Variants in MAVS observed in about 807,000 individuals in gnomAD.
MAVS encodes the protein mitochondrial antiviral-signaling protein.
In MAVS, 20 loss-of-function variants were observed where a neutral mutation model predicts 30.2. That is an observed-to-expected ratio of 0.66 (90% CI 0.47 to 0.96). MAVS has a LOEUF of 0.96. Among genes scored for constraint, MAVS ranks in the 40% least tolerant of loss-of-function variants. MAVS has a pLI of 0.00. For missense variants in MAVS, 624 were observed against 701.1 expected (o/e 0.89, Z 1.24); for synonymous variants, 278 against 293.9 (o/e 0.95, Z 0.55).
At chr20:3,861,727 C>T (rs1282690283) in intron 4 of MAVS, among the ~76,000 whole-genome samples, 5 of 151,344 alleles carry the variant, frequency 3.3e-5, no homozygotes, top group Admixed American at 6.6e-5. Flanking sequence ...CAGCAACCAG[C>T]TGGGAGACCA....
chr20:3,855,312 C>T (rs1472851899), intron 2 of MAVS, among the ~76,000 whole-genome samples: 1 of 152,212 alleles, frequency 6.6e-6, no homozygotes, highest in Non-Finnish European at 1.5e-5. Flanking sequence ...GATTTCCTGG[C>T]TCTGGTCCAC....
Position 3,874,302 on chromosome 20 carries a change from G to A in MAVS, c.*8155G>A, listed in dbSNP as rs1184926066. 7.5e-6 allele frequency: 3 copies of A among 398,218 alleles called. No homozygotes were observed. The highest frequency in any genetic ancestry group is 6.2e-5 in the African/African-American group (3 of 48,610). The allele number at this position is 398,218 out of a possible 1,614,324, so 24.7% of individuals were successfully genotyped here. A position where few individuals can be genotyped will look rare whatever the true frequency, so the allele number is the denominator to read the frequency against. ...GGATACTGGGGAGGGGCATCCTGGA[G>A]TGCTGGTCTACCTCATCTGGGTGTT... On this transcript the variant is annotated 3_prime_UTR_variant, in exon 7 of 7. Coordinates refer to ENST00000428216, the MANE Select transcript of MAVS (RefSeq NM_020746.5).
rs528550110 is a variant in MAVS at position 3,848,246 on chromosome 20, G to A, written c.-68+1343G>A. Among the ~76,000 whole-genome samples, 867 of 152,132 alleles carry A rather than the reference G, an allele frequency of 5.7e-3. 2 individuals carry two copies. Among genetic ancestry groups the A allele is most frequent in the Non-Finnish European group, 0.01 (691 of 67,974 alleles). On this transcript the variant is annotated intron_variant, in intron 1 of 6. Coordinates refer to ENST00000428216, the MANE Select transcript of MAVS (RefSeq NM_020746.5). ...CCTGAGTAGCTGGGACTACAGGTGT[G>A]TGCCACCATGCCTGGCTAATTTTTG...
chr20:3,857,035 GAAAA>G (rs753537485), intron 2 of MAVS, among the ~76,000 whole-genome samples: 2 of 84,458 alleles, frequency 2.4e-5, no homozygotes, highest in African/African-American at 3.8e-5. Flanking sequence ...GACTCCGTCT[GAAAA>G]AAAAAAAAAA....
At chr20:3,856,712 T>C (rs555133053) in intron 2 of MAVS, among the ~76,000 whole-genome samples, 1 of 152,214 alleles carries the variant, frequency 6.6e-6, no homozygotes, top group African/African-American at 2.4e-5. Context: ...TCTGGTTGCT[T>C]GTTTTTATGT....
rs2089953348 is a variant in MAVS at position 3,871,272 on chromosome 20, T to C, written c.*5125T>C. The C allele has an allele frequency of 6.5e-6, 1 of 153,902 alleles. No homozygotes were observed. Among genetic ancestry groups the C allele is most frequent in the Non-Finnish European group, 1.5e-5 (1 of 68,072 alleles). 9.5% of individuals were successfully genotyped at this position (153,902 alleles called of 1,614,324 possible). Reference sequence around the variant, plus strand: ...CTGGAGGATTTTGTGCCTAAGGCCCTCTCTTTGCTCCCAGACAGCATGAAG... The same window carrying C: ...CTGGAGGATTTTGTGCCTAAGGCCCCCTCTTTGCTCCCAGACAGCATGAAG... On this transcript the variant is annotated 3_prime_UTR_variant, in exon 7 of 7. Transcript: ENST00000428216.
At position 3,853,101 on chromosome 20, in the gene MAVS, C is replaced by T. The variant is rs188121348; in HGVS notation, c.-67-1457C>T. Among the ~76,000 whole-genome samples, 1,322 of 149,412 alleles carry T rather than the reference C, an allele frequency of 8.8e-3. 10 individuals carry two copies. The highest frequency in any genetic ancestry group is 0.013 in the Non-Finnish European group (887 of 67,260). On this transcript the variant is annotated intron_variant, in intron 1 of 6. Transcript: ENST00000428216. ...TGATCCATCCGCCTCGGCCTCCCAA[C>T]GTGCTGGGGTTACAGGCGTGAGCCA... is the stretch of plus-strand genomic sequence containing the variant.
Position 3,866,548 on chromosome 20 carries a change from G to A in MAVS, c.*401G>A. 3.0e-6 allele frequency: 1 copy of A among 334,962 alleles called. No homozygotes were observed. The highest frequency in any genetic ancestry group is 2.7e-5 in the South Asian group (1 of 37,160). 20.7% of individuals were successfully genotyped at this position (334,962 alleles called of 1,614,324 possible). A position where few individuals can be genotyped will look rare whatever the true frequency, so the allele number is the denominator to read the frequency against. ...TGCCTCTCCTGTTGCATTGGTCCCT[G>A]AAGGCCTCAGGGCAGGTATGTGGTG... is the stretch of plus-strand genomic sequence containing the variant. On this transcript the variant is annotated 3_prime_UTR_variant, in exon 7 of 7. Coordinates refer to ENST00000428216, the MANE Select transcript of MAVS (RefSeq NM_020746.5).
chr20:3,855,325 G>C (rs2089800809), intron 2 of MAVS, among the ~76,000 whole-genome samples: 1 of 152,072 alleles, frequency 6.6e-6, no homozygotes, highest in Admixed American at 6.6e-5. Flanking sequence ...TGGTCCACTT[G>C]CCCACTTTTT....
chr20:3,857,133 G>C (rs2089818877), intron 2 of MAVS, among the ~76,000 whole-genome samples: 2 of 151,648 alleles, frequency 1.3e-5, no homozygotes, highest in Admixed American at 6.6e-5. Context: ...GTTATTGTCG[G>C]CCCCCTCTCT....
chr20:3,851,989 G>GTTTTTTTTTTTTTTT (rs1568531923), intron 1 of MAVS, among the ~76,000 whole-genome samples: 1 of 97,514 alleles, frequency 1.0e-5, no homozygotes, highest in African/African-American at 8.6e-5. Flanking sequence ...TGTGTAGCAG[G>GTTTTTTTTTTTTTTT]CTTTTTTTTT....
intron 6 of MAVS, 106 bp downstream of exon 6, chr20:3,864,894 C>G: frequency 7.2e-7 from 1 of 1,391,410 alleles, no homozygotes; most frequent in Non-Finnish European, 9.8e-7. Flanking sequence ...CTGTGTCCAG[C>G]CTGTGCTGCT....
Position 3,864,722 on chromosome 20 carries a change from T to A in MAVS, c.1092T>A (p.Pro364=). 1 of 1,614,220 alleles carries A rather than the reference T, an allele frequency of 6.2e-7. No homozygotes were observed. Among genetic ancestry groups the A allele is most frequent in the Non-Finnish European group, 8.5e-7 (1 of 1,180,038 alleles). The stretch of plus-strand genomic sequence containing the variant: ...CTGGCATGGTGCCATCCAAAGTGCC[T>A]ACTAGCATGGTGCTCACCAAGGTGT... The part of the protein sequence containing the change: ...TRAGMVPSKV[P]TSMVLTKVSA... Residue 364 remains proline, a synonymous_variant, in exon 6 of 7, where the codon CCT becomes CCA. Transcript: ENST00000428216.
Position 3,856,353 on chromosome 20 carries a change from A to ATTTT in MAVS, c.118-1265_118-1262dup, listed in dbSNP as rs56232181. Among the ~76,000 whole-genome samples the ATTTT allele has an allele frequency of 2.8e-4, 28 of 101,414 alleles. 2 individuals are homozygous for ATTTT. The highest frequency in any genetic ancestry group is 5.8e-4 in the African/African-American group (14 of 24,114). The allele number at this position is 101,414 out of a possible 152,430, so 66.5% of individuals were successfully genotyped here. On this transcript the variant is annotated intron_variant, in intron 2 of 6. Coordinates refer to ENST00000428216, the MANE Select transcript of MAVS (RefSeq NM_020746.5). The stretch of plus-strand genomic sequence containing the variant: ...ACAGGCGTGAGCCACTGCGCCCAGC[A>ATTTT]TTTTTTTTTTTTTTTTTTTTGAGAT...
At chr20:3,853,169 TAATAA>T (rs1396517857) in intron 1 of MAVS, among the ~76,000 whole-genome samples, 4 of 139,684 alleles carry the variant, frequency 2.9e-5, no homozygotes, top group African/African-American at 1.0e-4. Context: ...ACTCAGGCAG[TAATAA>T]AATAGGATGT....
chr20:3,849,508 C>G (rs1009213298), intron 1 of MAVS, among the ~76,000 whole-genome samples: 6 of 152,090 alleles, frequency 3.9e-5, no homozygotes, highest in African/African-American at 1.4e-4. Context: ...CCAGCCATCC[C>G]TAGCTTTCTT....
chr20:3,864,419 T>C lies in MAVS; in HGVS notation c.789T>C (p.Ser263=), dbSNP rs1183508621. The C allele has an allele frequency of 1.7e-5, 28 of 1,613,908 alleles. No individual in the cohort carries two copies. The highest frequency in any genetic ancestry group is 2.4e-5 in the Non-Finnish European group (28 of 1,180,020). ...CCTCCTCATCCCCTGGCTTGGCCTC[T>C]GCAGGGGCTGCAGAGGGTAAACAGG... ...SFSSSSPGLA[S]AGAAEGKQGA... The change falls in exon 6 of 7, where the codon TCT becomes TCC. Residue 263 remains serine (S), a synonymous_variant. Transcript: ENST00000428216.
chr20:3,870,455 C>T lies in MAVS; in HGVS notation c.*4308C>T, dbSNP rs2089945530. 6.6e-6 allele frequency: 1 copy of T among 152,086 alleles called. No individual in the cohort carries two copies. Among genetic ancestry groups the T allele is most frequent in the Non-Finnish European group, 1.5e-5 (1 of 68,018 alleles). The allele number at this position is 152,086 out of a possible 1,614,324, so 9.4% of individuals were successfully genotyped here. A position where few individuals can be genotyped will look rare whatever the true frequency, so the allele number is the denominator to read the frequency against. ...ACTGAAGCCAGAACAGTGCCACACC[C>T]TCGCCTTAATTCCTTGCTAGGTGTT... On this transcript the variant is annotated 3_prime_UTR_variant, in exon 7 of 7. Transcript: ENST00000428216.
intron 1 of MAVS, among the ~76,000 whole-genome samples, chr20:3,853,383 G>A (rs965659920): frequency 1.3e-5 from 2 of 151,364 alleles, no homozygotes. Flanking sequence ...CTACTCAGGA[G>A]GCTGAGGCAG....
Sources: gnomAD v4.1 joint callset for allele counts (sites outside exome capture counted in the v4.1 genomes callset) on GRCh38, gnomAD v4.1.1 for gene constraint, MANE v1.5 for transcripts, NCBI Gene and HGNC (gene_info 2026-07-23, HGNC 2026-07-21) for gene names.